The following SORBS2 variants were observed in gnomAD, a reference collection of about 807,000 sequenced individuals.
SORBS2 encodes the protein sorbin and SH3 domain containing 2.
SORBS2 carries 46 observed loss-of-function variants against 97.7 expected under a neutral mutation model. That is an observed-to-expected ratio of 0.47 (90% CI 0.37 to 0.60). The LOEUF (loss-of-function observed/expected upper bound fraction) is 0.60. SORBS2 is among the 20% of genes least tolerant of loss of function. SORBS2 has a pLI of 0.00. For synonymous variants in SORBS2, 476 were observed against 473.4 expected, an observed-to-expected ratio of 1.01 and a Z score of -0.07; for missense variants, 1,316 against 1,282.3, an observed-to-expected ratio of 1.03 and a Z score of -0.40.
At chr4:185,745,103 T>G (rs1181665294) in intron 2 of SORBS2, among the ~76,000 whole-genome samples, 4 of 152,200 alleles carry the variant, frequency 2.6e-5, no homozygotes, top group African/African-American at 9.7e-5. Context: ...TGGCTTGTTC[T>G]GAGGTAGGTG....
At chr4:185,711,903 C>T (rs561952336) in intron 2 of SORBS2, among the ~76,000 whole-genome samples, 1 of 152,180 alleles carries the variant, frequency 6.6e-6, no homozygotes, top group Non-Finnish European at 1.5e-5. Context: ...ATCCTCTCCA[C>T]TGATGGAGTT....
intron 1 of SORBS2, among the ~76,000 whole-genome samples, chr4:185,917,158 G>T (rs1260575572): frequency 6.6e-6 from 1 of 152,192 alleles, no homozygotes; most frequent in Non-Finnish European, 1.5e-5. Flanking sequence ...GTGTGGCAGG[G>T]AAGGCACAGA....
At chr4:185,892,505 G>T (rs1217779530) in intron 1 of SORBS2, among the ~76,000 whole-genome samples, 1 of 152,160 alleles carries the variant, frequency 6.6e-6, no homozygotes, top group East Asian at 1.9e-4. Context: ...ATAGCCAAAA[G>T]GTGGAAACAA....
intron 1 of SORBS2, among the ~76,000 whole-genome samples, chr4:185,878,088 T>C (rs1294876998): frequency 1.3e-5 from 2 of 152,224 alleles, no homozygotes; most frequent in Middle Eastern, 3.4e-3. Context: ...TCTAATTTCA[T>C]AAGCATTGAA....
At chr4:185,914,493 A>C (rs906792791) in intron 1 of SORBS2, among the ~76,000 whole-genome samples, 2 of 152,240 alleles carry the variant, frequency 1.3e-5, no homozygotes, top group African/African-American at 4.8e-5. Flanking sequence ...ATAGGTACAT[A>C]CCGGAATGTT....
intron 4 of SORBS2, 123 bp from the exon 8 acceptor site, chr4:185,662,365 A>T: frequency 9.9e-7 from 1 of 1,006,182 alleles, no homozygotes; most frequent in Non-Finnish European, 1.4e-6. Flanking sequence ...GCTCTTATTT[A>T]TTTTGAAAAC....
intron 1 of SORBS2, among the ~76,000 whole-genome samples, chr4:185,914,887 A>G (rs1480823803): frequency 6.6e-6 from 1 of 152,234 alleles, no homozygotes; most frequent in African/African-American, 2.4e-5. Context: ...TTTGTAATTA[A>G]TAGGAAATGA....
intron 4 of SORBS2, among the ~76,000 whole-genome samples, chr4:185,641,749 T>C (rs1044058528): frequency 4.0e-5 from 6 of 149,994 alleles, no homozygotes; most frequent in Non-Finnish European, 8.9e-5. Context: ...TTTGTTGTTG[T>C]TTCTTTTCAT....
At chr4:185,882,984 C>T (rs569428872) in intron 1 of SORBS2, among the ~76,000 whole-genome samples, 271 of 151,956 alleles carry the variant, frequency 1.8e-3, no homozygotes, top group African/African-American at 5.5e-3. Flanking sequence ...ATTTCACGAC[C>T]TTAGATTAGA....
chr4:185,649,415 C>T (rs1184942173), intron 3 of SORBS2, 52 bp downstream of exon 12: 3 of 1,434,856 alleles, frequency 2.1e-6, no homozygotes, highest in Non-Finnish European at 9.3e-7. Flanking sequence ...GCCATGTAGA[C>T]TTATTTTTAT....
At chr4:185,656,948 C>T in exon 1 of SORBS2, 3 of 1,149,654 alleles carry the variant, frequency 2.6e-6, no homozygotes, top group Non-Finnish European at 3.2e-6. Context: ...CTCCAATCAT[C>T]TCACCTCCCA....
intron 1 of SORBS2, among the ~76,000 whole-genome samples, chr4:185,790,126 T>C (rs2099073765): frequency 6.6e-6 from 1 of 152,194 alleles, no homozygotes; most frequent in Non-Finnish European, 1.5e-5. Context: ...TATTTCTTTT[T>C]TTTTTTAATA....
chr4:185,661,310 T>G (rs6838217), upstream of SORBS2, among the ~76,000 whole-genome samples: 1,824 of 152,114 alleles, frequency 0.012, 34 homozygotes, highest in African/African-American at 0.041. Context: ...CACATTATTT[T>G]CTGAACTATC....
At chr4:185,863,774 A>C (rs906774217) in intron 1 of SORBS2, among the ~76,000 whole-genome samples, 2 of 152,188 alleles carry the variant, frequency 1.3e-5, no homozygotes, top group Non-Finnish European at 2.9e-5. Flanking sequence ...CCATTTTTAC[A>C]TTTTTATTAA....
At chr4:185,660,505 G>A (rs1051281380), upstream of SORBS2, among the ~76,000 whole-genome samples, 8 of 152,196 alleles carry the variant, frequency 5.3e-5, no homozygotes, top group Non-Finnish European at 1.0e-4. Flanking sequence ...CTCAGGCATA[G>A]CATCAGCGAA....
chr4:185,733,428 A>C (rs1032476440), intron 2 of SORBS2, among the ~76,000 whole-genome samples: 2 of 152,212 alleles, frequency 1.3e-5, no homozygotes, highest in Non-Finnish European at 2.9e-5. Context: ...GAAACAGCGA[A>C]CAGTGACATT....
intron 1 of SORBS2, among the ~76,000 whole-genome samples, chr4:185,953,052 C>T (rs1457438934): frequency 1.3e-5 from 2 of 152,206 alleles, no homozygotes; most frequent in African/African-American, 2.4e-5. Flanking sequence ...CGGTGGCTCA[C>T]GCCTGTAATC....
upstream of SORBS2, among the ~76,000 whole-genome samples, chr4:185,657,751 A>G (rs892752675): frequency 2.6e-5 from 4 of 152,122 alleles, no homozygotes; most frequent in African/African-American, 9.7e-5. Context: ...AGCTGGTGGA[A>G]ACTGTGTAGG....
chr4:185,828,342 A>G (rs1008784116), intron 1 of SORBS2, among the ~76,000 whole-genome samples: 5 of 152,124 alleles, frequency 3.3e-5, no homozygotes, highest in African/African-American at 9.7e-5. Context: ...GAACCAGAGG[A>G]GGCCATTCTT....
Sources: allele counts gnomAD v4.1 joint callset (sites outside exome capture counted in the v4.1 genomes callset), GRCh38; gene constraint gnomAD v4.1.1; transcripts MANE v1.5; gene names NCBI Gene and HGNC (gene_info 2026-07-23, HGNC 2026-07-21).